The following USH2A variants were observed in gnomAD, a reference collection of about 807,000 sequenced individuals.
USH2A encodes Usher syndrome 2A (autosomal recessive, mild).
In USH2A, 443 loss-of-function variants were observed where a neutral mutation model predicts 538.9. The ratio of observed to expected loss-of-function variants is 0.82; its 90% confidence interval spans 0.76 to 0.89. The LOEUF is 0.89. USH2A is among the 40% of genes least tolerant of loss of function. USH2A has a pLI of 0.00. For missense variants in USH2A, 6,633 were observed against 6,324.8 expected (o/e 1.05, Z -1.65); for synonymous variants, 2,413 against 2,273.5 (o/e 1.06, Z -1.75).
chr1:215,676,275 C>T (rs1168801078), intron 62 of USH2A, among the ~76,000 whole-genome samples: 1 of 152,158 alleles, frequency 6.6e-6, no homozygotes, highest in Non-Finnish European at 1.5e-5. Context: ...CTGATTGCTC[C>T]TTTGGGGGCA....
At chr1:215,909,914 G>A (rs1300958417) in intron 38 of USH2A, among the ~76,000 whole-genome samples, 1 of 151,880 alleles carries the variant, frequency 6.6e-6, no homozygotes, top group African/African-American at 2.4e-5. Context: ...AGGGACACTT[G>A]GTGTAGGAAG....
At chr1:215,722,905 A>G (rs2102708640) in intron 61 of USH2A, among the ~76,000 whole-genome samples, 1 of 152,326 alleles carries the variant, frequency 6.6e-6, no homozygotes. Flanking sequence ...TATTTCTGCC[A>G]GCACAATGGC....
intron 21 of USH2A, among the ~76,000 whole-genome samples, chr1:216,168,125 A>G (rs2034206134): frequency 6.6e-6 from 1 of 152,154 alleles, no homozygotes; most frequent in African/African-American, 2.4e-5. Context: ...TCAAAAATCA[A>G]TCATCTTCAA....
chr1:216,283,400 A>G (rs997507965), intron 11 of USH2A, among the ~76,000 whole-genome samples: 11 of 152,180 alleles, frequency 7.2e-5, no homozygotes, highest in African/African-American at 2.7e-4. Flanking sequence ...TGAATTTATT[A>G]GTTTTAATAC....
chr1:215,753,777 G>A (rs551287400), intron 58 of USH2A, among the ~76,000 whole-genome samples: 223 of 151,354 alleles, frequency 1.5e-3, no homozygotes, highest in Non-Finnish European at 2.1e-3. Flanking sequence ...AAACCTGCAC[G>A]TTGTGCACAT....
intron 54 of USH2A, among the ~76,000 whole-genome samples, chr1:215,780,869 G>A (rs1404071538): frequency 6.6e-6 from 1 of 152,214 alleles, no homozygotes; most frequent in African/African-American, 2.4e-5. Context: ...GCTGAGCAGT[G>A]TGGCTGAATG....
At chr1:215,732,544 C>CCT (rs1660028581) in intron 60 of USH2A, among the ~76,000 whole-genome samples, 1 of 73,558 alleles carries the variant, frequency 1.4e-5, no homozygotes, top group African/African-American at 6.1e-5. Flanking sequence ...TTTTTTCTTT[C>CCT]TTTTTTTTTT....
intron 70 of USH2A, among the ~76,000 whole-genome samples, chr1:215,632,481 A>T (rs1245375761): frequency 2.0e-5 from 3 of 152,204 alleles, no homozygotes; most frequent in Non-Finnish European, 4.4e-5. Flanking sequence ...GTTCTTCCTC[A>T]TGGAGGATTC....
Position 216,380,251 on chromosome 1 carries a change from T to A in USH2A, c.652-15166A>T, listed in dbSNP as rs2038903320. On this transcript the variant is annotated intron_variant, in intron 3 of 71. Transcript: ENST00000307340. ...AATTCACTGTAGTTAAATGGGAAGGTCATTCAAAACACAGCTTCTAAAAAA... is the reference window on the plus strand; with the variant it reads ...AATTCACTGTAGTTAAATGGGAAGGACATTCAAAACACAGCTTCTAAAAAA... Among the ~76,000 whole-genome samples, 3 of 152,132 alleles carry A rather than the reference T, an allele frequency of 2.0e-5. No individual in the cohort carries two copies. The South Asian group carries it at 6.2e-4, about 31-fold the overall frequency.
intron 15 of USH2A, among the ~76,000 whole-genome samples, chr1:216,216,443 C>A (rs867457085): frequency 6.6e-6 from 1 of 152,060 alleles, no homozygotes; most frequent in Non-Finnish European, 1.5e-5. Context: ...CTCCCTCCCC[C>A]CTTAAATGTA....
intron 9 of USH2A, among the ~76,000 whole-genome samples, chr1:216,304,423 G>T (rs1313896954): frequency 1.3e-5 from 2 of 151,608 alleles, no homozygotes; most frequent in African/African-American, 4.8e-5. Context: ...CGTAACTTTT[G>T]CACTTTGTGG....
chr1:216,217,694 CAAAG>C lies in USH2A; in HGVS notation c.2994-148_2994-145del, dbSNP rs575549371. On this transcript the variant is annotated intron_variant, in intron 14 of 71. Transcript: ENST00000307340. ...GAAAAGAATGCTTGAGCTAAACAAA[CAAAG>C]AATCAACATAAAATAAAGGAAAATA... 2,064 of 937,902 alleles carry C rather than the reference CAAAG, an allele frequency of 2.2e-3. 5 individuals are homozygous for C. Among genetic ancestry groups the C allele is most frequent in the Non-Finnish European group, 2.8e-3 (1,746 of 619,282 alleles). 58.1% of individuals were successfully genotyped at this position (937,902 alleles called of 1,614,324 possible). A position where few individuals can be genotyped will look rare whatever the true frequency, so the allele number is the denominator to read the frequency against.
chr1:215,989,020 C>T (rs537400907), intron 35 of USH2A, among the ~76,000 whole-genome samples: 5 of 152,284 alleles, frequency 3.3e-5, no homozygotes, highest in East Asian at 1.9e-4. Flanking sequence ...TCCTAAGCCA[C>T]GCTGGCCAAA....
In USH2A at chr1:216,292,342, T is replaced by C; in HGVS notation, c.1673A>G (p.Asp558Gly). Residue 558 changes from aspartate (D) to glycine (G), a missense_variant, in exon 10 of 72, where the codon GAC becomes GGC. By Grantham distance (94) the Asp-to-Gly change is moderately conservative. Coordinates refer to ENST00000307340, the MANE Select transcript of USH2A (RefSeq NM_206933.4). ...TTGATCACCTTGGCGGAAAGGCTTG[T>C]CATTATAAAGAGGCAAGCAGCGATC... The part of the protein sequence containing the change: ...HCDRCLPLYN[D>G]KPFRQGDQVY... 1 of 1,613,980 alleles carries C rather than the reference T, an allele frequency of 6.2e-7. No individual in the cohort carries two copies. Among genetic ancestry groups the C allele is most frequent in the South Asian group, 1.1e-5 (1 of 91,064 alleles).
chr1:215,809,456 C>CAAAAA (rs5780854), intron 49 of USH2A, among the ~76,000 whole-genome samples: 1 of 143,398 alleles, frequency 7.0e-6, no homozygotes. Context: ...GAAAAGTCTT[C>CAAAAA]AAAAAAAAAA....
Position 216,340,329 on chromosome 1 carries a change from T to C in USH2A, c.785-12675A>G, listed in dbSNP as rs146002445. On this transcript the variant is annotated intron_variant, in intron 4 of 71. Coordinates refer to ENST00000307340, the MANE Select transcript of USH2A (RefSeq NM_206933.4). ...CCCTGAATAGACGAATAATGAGTTC[T>C]GAAATTGAGGCAGTAATTAATAGCC... Among the ~76,000 whole-genome samples the C allele has an allele frequency of 4.0e-3, 608 of 152,054 alleles. 4 individuals carry two copies. The highest frequency in any genetic ancestry group is 0.014 in the African/African-American group (575 of 41,502).
At chr1:215,788,947 A>AAAACAAAAC (rs1403058332) in intron 51 of USH2A, among the ~76,000 whole-genome samples, 1 of 151,920 alleles carries the variant, frequency 6.6e-6, no homozygotes, top group Non-Finnish European at 1.5e-5. Flanking sequence ...AAAACAAAAC[A>AAAACAAAAC]AAAAAACAGG....
chr1:215,929,661 C>T (rs946282178), intron 38 of USH2A, among the ~76,000 whole-genome samples: 1 of 151,986 alleles, frequency 6.6e-6, no homozygotes, highest in African/African-American at 2.4e-5. Context: ...ACAGGCAATG[C>T]GCTAAACACA....
At position 216,423,251 on chromosome 1, in the gene USH2A, G is replaced by A. The variant is rs1193700689; in HGVS notation, c.-242C>T. 2 of 152,174 alleles carry A rather than the reference G, an allele frequency of 1.3e-5. No homozygotes were observed. The highest frequency in any genetic ancestry group is 2.4e-5 in the African/African-American group (1 of 41,450). The allele number at this position is 152,174 out of a possible 1,614,324, so 9.4% of individuals were successfully genotyped here. A position where few individuals can be genotyped will look rare whatever the true frequency, so the allele number is the denominator to read the frequency against. On this transcript the variant is annotated 5_prime_UTR_variant, in exon 1 of 72. Transcript: ENST00000307340. ...GCATTTCAACCAGTCCCCTCAGTGT[G>A]ACAAATGGCTCTTCAACAGGACCGC... is the stretch of plus-strand genomic sequence containing the variant.
Sources: gnomAD v4.1 joint callset for allele counts (sites outside exome capture counted in the v4.1 genomes callset) on GRCh38, gnomAD v4.1.1 for gene constraint, MANE v1.5 for transcripts, NCBI Gene and HGNC (gene_info 2026-07-23, HGNC 2026-07-21) for gene names.